Variants in MAP4K4 observed in about 807,000 individuals in gnomAD.
MAP4K4 encodes HPK/GCK-like kinase HGK.
MAP4K4 carries 38 observed loss-of-function variants against 189.6 expected under a neutral mutation model. That is an observed-to-expected ratio of 0.20 (90% CI 0.15 to 0.26). The LOEUF (loss-of-function observed/expected upper bound fraction) is 0.26, where lower values mean the gene tolerates loss of function less well. Among genes scored for constraint, MAP4K4 ranks in the 10% least tolerant of loss-of-function variants. The pLI, the probability that MAP4K4 is intolerant of heterozygous loss-of-function variation, is 1.00. For missense variants in MAP4K4, 1,054 were observed against 1,726.9 expected (o/e 0.61, Z 6.91); for synonymous variants, 610 against 624.3 (o/e 0.98, Z 0.34).
chr2:101,750,440 C>G (rs1330916079), intron 2 of MAP4K4, among the ~76,000 whole-genome samples: 1 of 146,390 alleles, frequency 6.8e-6, no homozygotes, highest in Non-Finnish European at 1.5e-5. Context: ...TATTCTCACT[C>G]ATAGGTGGGA....
At chr2:101,741,476 G>A (rs985244481) in intron 2 of MAP4K4, among the ~76,000 whole-genome samples, 2 of 152,018 alleles carry the variant, frequency 1.3e-5, no homozygotes, top group African/African-American at 4.8e-5. Context: ...CCAGTAGTAG[G>A]TGTTTTTCTT....
chr2:101,740,440 C>CTTCA (rs2062200972), intron 2 of MAP4K4, among the ~76,000 whole-genome samples: 1 of 102,526 alleles, frequency 9.8e-6, no homozygotes, highest in African/African-American at 1.6e-4. Flanking sequence ...AGGCGTGAGC[C>CTTCA]ACCGCGCCCG....
chr2:101,698,186 G>GACAGCCT, intron 1 of MAP4K4, 49 bp downstream of exon 1: 1 of 911,974 alleles, frequency 1.1e-6, no homozygotes, highest in Non-Finnish European at 1.3e-6. Flanking sequence ...GCCGGCAGCC[G>GACAGCCT]GCAGCCGGGG....
Position 101,753,663 on chromosome 2 carries a change from G to GT in MAP4K4, c.124-37043dup, listed in dbSNP as rs57671185. On this transcript the variant is annotated intron_variant, in intron 2 of 32. Transcript: ENST00000324219. The stretch of plus-strand genomic sequence containing the variant: ...AGACATTTTTGTCCGCAAGTATACA[G>GT]TTTTTTTTTTTTTTCCTTAGCCCAG... 7.6e-3 allele frequency among the ~76,000 whole-genome samples: 1,088 copies of GT among 142,434 alleles called. 2 individuals are homozygous for GT. The highest frequency in any genetic ancestry group is 8.3e-3 in the African/African-American group (325 of 39,090). 93.4% of individuals were successfully genotyped at this position (142,434 alleles called of 152,430 possible). A position where few individuals can be genotyped will look rare whatever the true frequency, so the allele number is the denominator to read the frequency against.
chr2:101,733,455 G>C (rs2059290346), intron 2 of MAP4K4, among the ~76,000 whole-genome samples: 1 of 152,208 alleles, frequency 6.6e-6, no homozygotes, highest in Non-Finnish European at 1.5e-5. Flanking sequence ...ATTAGAACTT[G>C]GGTGTCTTTG....
chr2:101,699,379 A>G (rs1209003163), intron 2 of MAP4K4, among the ~76,000 whole-genome samples: 8 of 152,236 alleles, frequency 5.3e-5, no homozygotes, highest in African/African-American at 1.7e-4. Flanking sequence ...TGTACAGTCT[A>G]GAGATTATGA....
intron 4 of MAP4K4, among the ~76,000 whole-genome samples, 166 bp downstream of exon 4, chr2:101,824,219 A>G (rs1481962373): frequency 1.3e-5 from 2 of 152,250 alleles, no homozygotes; most frequent in East Asian, 3.9e-4. Flanking sequence ...CTGTGGGTTG[A>G]CTATATGCTG....
At chr2:101,864,794 T>A in intron 17 of MAP4K4, 136 bp from the exon 18 acceptor site, 1 of 623,228 alleles carries the variant, frequency 1.6e-6, no homozygotes, top group South Asian at 2.0e-5. Context: ...GGGAAGGAGT[T>A]GGGGTGGGGA....
chr2:101,863,495 A>ACAT (rs1465086453), intron 16 of MAP4K4, among the ~76,000 whole-genome samples: 6 of 152,168 alleles, frequency 3.9e-5, no homozygotes, highest in Non-Finnish European at 7.4e-5. Flanking sequence ...TGCATGCAAC[A>ACAT]CATCATAACC....
chr2:101,703,181 G>T (rs2039994668), intron 2 of MAP4K4, among the ~76,000 whole-genome samples: 1 of 152,150 alleles, frequency 6.6e-6, no homozygotes, highest in Admixed American at 6.5e-5. Flanking sequence ...CCAGTGACAG[G>T]AGGTGAAGGC....
intron 27 of MAP4K4, among the ~76,000 whole-genome samples, chr2:101,878,156 C>T (rs1318894060): frequency 6.6e-6 from 1 of 152,198 alleles, no homozygotes; most frequent in African/African-American, 2.4e-5. Flanking sequence ...ATCCAGAGAT[C>T]ATATCTTTTA....
At chr2:101,771,101 A>G (rs968430029) in intron 2 of MAP4K4, among the ~76,000 whole-genome samples, 1 of 152,242 alleles carries the variant, frequency 6.6e-6, no homozygotes, top group African/African-American at 2.4e-5. Context: ...CCATGTTCAC[A>G]TAAATAGCAC....
At chr2:101,806,407 G>A (rs931330956) in intron 3 of MAP4K4, among the ~76,000 whole-genome samples, 3 of 137,148 alleles carry the variant, frequency 2.2e-5, no homozygotes, top group Non-Finnish European at 4.6e-5. Flanking sequence ...ACGGAATCTC[G>A]CTCTGTCACC....
intron 20 of MAP4K4, 99 bp from the exon 21 acceptor site, chr2:101,867,930 A>T (rs1470536858): frequency 2.6e-6 from 3 of 1,139,382 alleles, no homozygotes; most frequent in Non-Finnish European, 2.6e-6. Flanking sequence ...TGATTTCTGT[A>T]CTTCTCCCTC....
intron 24 of MAP4K4, among the ~76,000 whole-genome samples, chr2:101,872,968 A>G (rs1183520694): frequency 6.6e-6 from 1 of 152,144 alleles, no homozygotes; most frequent in Non-Finnish European, 1.5e-5. Context: ...TTTTGTTTTT[A>G]ATTGTCATTA....
In MAP4K4 at chr2:101,859,632, C is replaced by G; in HGVS notation, c.1483-11C>G. ...TCCCATAGATTTAGTGTTATCCTCTCCCTCTCCAAGGAGTGCCGATGGCGG... is the reference window on the plus strand; with the variant it reads ...TCCCATAGATTTAGTGTTATCCTCTGCCTCTCCAAGGAGTGCCGATGGCGG... On this transcript the variant is annotated splice_polypyrimidine_tract_variant and intron_variant, in intron 14 of 32. Transcript: ENST00000324219. 1 of 1,586,488 alleles carries G rather than the reference C, an allele frequency of 6.3e-7. No homozygotes were observed. Among genetic ancestry groups the G allele is most frequent in the South Asian group, 1.1e-5 (1 of 87,498 alleles).
Position 101,843,586 on chromosome 2 carries a change from G to A in MAP4K4, c.1023-515G>A, listed in dbSNP as rs150316314. 1.4e-3 allele frequency among the ~76,000 whole-genome samples: 213 copies of A among 152,240 alleles called. No homozygotes were observed. In the Middle Eastern group the frequency reaches 0.02, roughly 15 times the overall value. ...GTAACTCGGTGGGGAGGTCAGCTAGGAAGGGTGTGTTTAATTGATCTGTGT... is the reference window on the plus strand; with the variant it reads ...GTAACTCGGTGGGGAGGTCAGCTAGAAAGGGTGTGTTTAATTGATCTGTGT... On this transcript the variant is annotated intron_variant, in intron 11 of 32. Coordinates refer to ENST00000324219, the Ensembl canonical transcript of MAP4K4.
chr2:101,842,199 G>C (rs147490528), intron 10 of MAP4K4, among the ~76,000 whole-genome samples: 3 of 152,262 alleles, frequency 2.0e-5, no homozygotes, highest in African/African-American at 7.2e-5. Context: ...AAATCACCAA[G>C]TAAATTCTCT....
intron 22 of MAP4K4, 139 bp downstream of exon 22, chr2:101,869,936 G>A (rs1356548868): frequency 6.8e-6 from 8 of 1,175,752 alleles, no homozygotes; most frequent in Middle Eastern, 2.9e-4. Context: ...GCAGCAGGTC[G>A]CCTTGTGTTT....
Sources: allele counts gnomAD v4.1 joint callset (sites outside exome capture counted in the v4.1 genomes callset), GRCh38; gene constraint gnomAD v4.1.1; transcripts MANE v1.5; gene names NCBI Gene and HGNC (gene_info 2026-07-23, HGNC 2026-07-21).